The following VAPA variants were observed in gnomAD, a reference collection of about 807,000 sequenced individuals.
VAPA encodes the protein vesicle-associated membrane protein-associated protein A.
VAPA carries 6 observed loss-of-function variants against 25.6 expected under a neutral mutation model. The observed-to-expected ratio is 0.23, with a 90% CI of 0.13 to 0.46. The LOEUF is 0.46. Ranked by LOEUF, VAPA falls within the 20% of genes least tolerant of loss-of-function variation. VAPA has a pLI of 0.99. For missense variants in VAPA, 244 were observed against 302.1 expected, an observed-to-expected ratio of 0.81 and a Z score of 1.43; for synonymous variants, 112 against 106.2, an observed-to-expected ratio of 1.05 and a Z score of -0.34.
intron 4 of VAPA, among the ~76,000 whole-genome samples, chr18:9,941,571 A>G (rs1458940148): frequency 6.6e-6 from 1 of 152,166 alleles, no homozygotes. Context: ...TTCTAGGTCA[A>G]TATTCTCTAT....
In VAPA at chr18:9,959,100, A is replaced by G. The variant is rs1055495322; in HGVS notation, c.*4889A>G. 2 of 152,156 alleles carry G rather than the reference A, an allele frequency of 1.3e-5. No individual in the cohort carries two copies. Among genetic ancestry groups the G allele is most frequent in the Non-Finnish European group, 2.9e-5 (2 of 68,010 alleles). The allele number at this position is 152,156 out of a possible 1,614,324, so 9.4% of individuals were successfully genotyped here. Reference sequence around the variant, plus strand: ...TGGAATAGGGGAGACGGGTTTAGACAGGTTCAATTAGCTCAAGTCTACACA... The same window carrying G: ...TGGAATAGGGGAGACGGGTTTAGACGGGTTCAATTAGCTCAAGTCTACACA... On this transcript the variant is annotated 3_prime_UTR_variant, in exon 6 of 6. Coordinates refer to ENST00000400000, the MANE Select transcript of VAPA (RefSeq NM_194434.3).
At chr18:9,916,834 G>A (rs1290271185) in intron 1 of VAPA, among the ~76,000 whole-genome samples, 1 of 152,170 alleles carries the variant, frequency 6.6e-6, no homozygotes, top group Non-Finnish European at 1.5e-5. Context: ...TCTTCTAGTA[G>A]GTTTATTTTA....
rs1465695539 is a variant in VAPA at position 9,914,050 on chromosome 18, T to G, written c.-207T>G. 4.1e-6 allele frequency: 2 copies of G among 490,648 alleles called. No individual in the cohort carries two copies. Among genetic ancestry groups the G allele is most frequent in the East Asian group, 3.8e-5 (1 of 26,258 alleles). The allele number at this position is 490,648 out of a possible 1,614,324, so 30.4% of individuals were successfully genotyped here. A position where few individuals can be genotyped will look rare whatever the true frequency, so the allele number is the denominator to read the frequency against. ...AAGTGCGCGTGGCCGTGGCGGCTGG[T>G]GTGGGGTTGAGTCAGTTGTGGGACC... On this transcript the variant is annotated 5_prime_UTR_variant, in exon 1 of 6. Coordinates refer to ENST00000400000, the MANE Select transcript of VAPA (RefSeq NM_194434.3).
chr18:9,947,010 G>A (rs1189401042), intron 4 of VAPA, among the ~76,000 whole-genome samples: 1 of 152,048 alleles, frequency 6.6e-6, no homozygotes, highest in East Asian at 1.9e-4. Context: ...GCCTGCACAG[G>A]GGCGGGATCA....
chr18:9,959,248 A>G lies in VAPA; in HGVS notation c.*5037A>G, dbSNP rs1018935709. On this transcript the variant is annotated 3_prime_UTR_variant, in exon 6 of 6. Coordinates refer to ENST00000400000, the MANE Select transcript of VAPA (RefSeq NM_194434.3). ...CTCCTCACAAACAGTAAGTATGGCA[A>G]TTTTGTGATGCCTTTGATTCCACTT... The G allele has an allele frequency of 6.6e-6, 1 of 152,200 alleles. No individual in the cohort carries two copies. Among genetic ancestry groups the G allele is most frequent in the Non-Finnish European group, 1.5e-5 (1 of 68,024 alleles). 9.4% of individuals were successfully genotyped at this position (152,200 alleles called of 1,614,324 possible).
rs1005493202 is a variant in VAPA at position 9,956,217 on chromosome 18, G to C, written c.*2006G>C. 2 of 152,172 alleles carry C rather than the reference G, an allele frequency of 1.3e-5. No homozygotes were observed. The highest frequency in any genetic ancestry group is 4.8e-5 in the African/African-American group (2 of 41,424). 9.4% of individuals were successfully genotyped at this position (152,172 alleles called of 1,614,324 possible). ...TGTCTCACAGGTAGGTAGAGGCAGAGCTGGAACTAGATATCTGGTCTGTTG... is the reference window on the plus strand; with the variant it reads ...TGTCTCACAGGTAGGTAGAGGCAGACCTGGAACTAGATATCTGGTCTGTTG... On this transcript the variant is annotated 3_prime_UTR_variant, in exon 6 of 6. Coordinates refer to ENST00000400000, the MANE Select transcript of VAPA (RefSeq NM_194434.3).
chr18:9,930,591 T>C (rs561484267), intron 1 of VAPA, among the ~76,000 whole-genome samples: 12 of 152,174 alleles, frequency 7.9e-5, no homozygotes, highest in African/African-American at 2.6e-4. Flanking sequence ...GCTCTTGGGG[T>C]TGAAGAAGCA....
intron 4 of VAPA, chr18:9,944,983 A>G (rs2069406676): frequency 6.2e-7 from 1 of 1,614,080 alleles, no homozygotes; most frequent in Non-Finnish European, 8.5e-7. Context: ...TCAACAACAC[A>G]GTTGCAACAC....
chr18:9,932,097 T>C (rs1340743323), intron 2 of VAPA, 135 bp downstream of exon 2: 17 of 641,542 alleles, frequency 2.6e-5, no homozygotes, highest in Admixed American at 1.0e-4. Context: ...AAAGATGTCT[T>C]GTTACAGTAC....
At position 9,958,027 on chromosome 18, in the gene VAPA, C is replaced by T. The variant is rs938119794; in HGVS notation, c.*3816C>T. 1 of 152,152 alleles carries T rather than the reference C, an allele frequency of 6.6e-6. No individual in the cohort carries two copies. The allele number at this position is 152,152 out of a possible 1,614,324, so 9.4% of individuals were successfully genotyped here. On this transcript the variant is annotated 3_prime_UTR_variant, in exon 6 of 6. Transcript: ENST00000400000. ...TAAGGAAAAAGAAAGTTTGTCTTGCCCTTCTGACACAGTGTGTGCACTTCA... is the reference window on the plus strand; with the variant it reads ...TAAGGAAAAAGAAAGTTTGTCTTGCTCTTCTGACACAGTGTGTGCACTTCA...
At position 9,914,204 on chromosome 18, in the gene VAPA, C is replaced by A. The variant is rs2069088814; in HGVS notation, c.-53C>A. On this transcript the variant is annotated 5_prime_UTR_variant, in exon 1 of 6. Transcript: ENST00000400000. The stretch of plus-strand genomic sequence containing the variant: ...CCGTCGCCGCCGTCGTCCCCCGCCC[C>A]CAGTCAGCAAACCGCCGCCGCGGGC... 1 of 1,509,950 alleles carries A rather than the reference C, an allele frequency of 6.6e-7. No homozygotes were observed. The highest frequency in any genetic ancestry group is 8.9e-7 in the Non-Finnish European group (1 of 1,117,584). 93.5% of individuals were successfully genotyped at this position (1,509,950 alleles called of 1,614,324 possible). A position where few individuals can be genotyped will look rare whatever the true frequency, so the allele number is the denominator to read the frequency against.
chr18:9,917,715 A>G (rs968638933), intron 1 of VAPA, among the ~76,000 whole-genome samples: 11 of 152,370 alleles, frequency 7.2e-5, no homozygotes, highest in Middle Eastern at 6.8e-3. Context: ...GCCGATAACA[A>G]TAAATCAACA....
rs2069535363 is a variant in VAPA at position 9,955,234 on chromosome 18, A to G, written c.*1023A>G. On this transcript the variant is annotated 3_prime_UTR_variant, in exon 6 of 6. Coordinates refer to ENST00000400000, the MANE Select transcript of VAPA (RefSeq NM_194434.3). ...GTCTTACTACTTTTCATAATATTTCATAATAGTTAAAAGTAGGTGTTTTTT... is the reference window on the plus strand; with the variant it reads ...GTCTTACTACTTTTCATAATATTTCGTAATAGTTAAAAGTAGGTGTTTTTT... 2 of 152,196 alleles carry G rather than the reference A, an allele frequency of 1.3e-5. No individual in the cohort carries two copies. The highest frequency in any genetic ancestry group is 4.1e-4 in the South Asian group (2 of 4,828). The allele number at this position is 152,196 out of a possible 1,614,324, so 9.4% of individuals were successfully genotyped here.
chr18:9,954,341 C>G lies in VAPA; in HGVS notation c.*130C>G. 1.3e-6 allele frequency: 1 copy of G among 781,692 alleles called. No homozygotes were observed. Among genetic ancestry groups the G allele is most frequent in the Non-Finnish European group, 2.0e-6 (1 of 488,428 alleles). The allele number at this position is 781,692 out of a possible 1,614,324, so 48.4% of individuals were successfully genotyped here. ...TTTTGTGTGTACAGCGTCATATAGG[C>G]TTTGCCTTTAATGATCTCTTACGGT... On this transcript the variant is annotated 3_prime_UTR_variant, in exon 6 of 6. Transcript: ENST00000400000.
In VAPA at chr18:9,939,154, T is replaced by C. The variant is rs1043534133; in HGVS notation, c.417+2088T>C. On this transcript the variant is annotated intron_variant, in intron 4 of 5. Coordinates refer to ENST00000400000, the MANE Select transcript of VAPA (RefSeq NM_194434.3). ...GCAGTTTGTTTGAATTAGATGAAAA[T>C]AAAGTCCAAATAGTTCTTCTTTTTT... 9.2e-5 allele frequency among the ~76,000 whole-genome samples: 14 copies of C among 151,836 alleles called. No homozygotes were observed. In the South Asian group the frequency reaches 2.7e-3, roughly 29 times the overall value.
intron 1 of VAPA, among the ~76,000 whole-genome samples, chr18:9,916,540 G>C (rs1242623839): frequency 6.6e-6 from 1 of 152,202 alleles, no homozygotes; most frequent in Non-Finnish European, 1.5e-5. Flanking sequence ...AGTTTGTTGT[G>C]TGTTTCAGTT....
Position 9,935,128 on chromosome 18 carries a change from A to T in VAPA, c.233-982A>T, listed in dbSNP as rs963312757. Among the ~76,000 whole-genome samples, 7 of 151,856 alleles carry T rather than the reference A, an allele frequency of 4.6e-5. No individual in the cohort carries two copies. In the East Asian group the frequency reaches 7.7e-4, roughly 17 times the overall value. On this transcript the variant is annotated intron_variant, in intron 2 of 5. Transcript: ENST00000400000. ...AAAAAAAAAAACTTAAAAATTTTGA[A>T]TGTTATTGAGACTGTAGAATAAATT...
intron 4 of VAPA, among the ~76,000 whole-genome samples, chr18:9,940,726 A>G (rs889938459): frequency 2.6e-5 from 4 of 152,204 alleles, no homozygotes; most frequent in African/African-American, 4.8e-5. Context: ...AATACAGCTT[A>G]TGACTTTGAT....
intron 1 of VAPA, among the ~76,000 whole-genome samples, chr18:9,926,574 T>G (rs1046324589): frequency 6.6e-6 from 1 of 152,140 alleles, no homozygotes; most frequent in Non-Finnish European, 1.5e-5. Context: ...TATATTTGTG[T>G]TGTTTTCCTT....
Sources: gnomAD v4.1 joint callset for allele counts (sites outside exome capture counted in the v4.1 genomes callset) on GRCh38, gnomAD v4.1.1 for gene constraint, MANE v1.5 for transcripts, NCBI Gene and HGNC (gene_info 2026-07-23, HGNC 2026-07-21) for gene names.